Variants in TIMM17B observed in about 807,000 individuals in gnomAD.
TIMM17B encodes mitochondrial import inner membrane translocase subunit Tim17-B.
TIMM17B carries 10 observed loss-of-function variants against 15.9 expected under a neutral mutation model. That is an observed-to-expected ratio of 0.63 (90% CI 0.39 to 1.06). The LOEUF is 1.06. Among genes scored for constraint, TIMM17B ranks in the 50% least tolerant of loss-of-function variants. The pLI, the probability that TIMM17B is intolerant of heterozygous loss-of-function variation, is 0.01. For missense variants in TIMM17B, 114 were observed against 152.2 expected (o/e 0.75, Z 1.32); for synonymous variants, 57 against 57.2 (o/e 1.00, Z 0.02).
intron 5 of TIMM17B, 41 bp from the exon 5 acceptor site, chrX:48,894,051 C>T: frequency 8.3e-7 from 1 of 1,198,117 alleles, no homozygotes; most frequent in Admixed American, 2.3e-5. Flanking sequence ...TGAGAGCAGG[C>T]AGAACAGGGT....
rs1569509113 is a variant in TIMM17B, at chrX:48,894,014, G to A, written c.320-4C>T. On this transcript the variant is annotated splice_region_variant and splice_polypyrimidine_tract_variant and intron_variant, in intron 5 of 6. Coordinates refer to ENST00000376582, the Ensembl canonical transcript of TIMM17B. ...CCCACCATGGCCAGTGGGCCACCTG[G>A]GGGAGTTGGAGGCAGAGAAACAGAG... 1.7e-6 allele frequency: 2 copies of A among 1,202,218 alleles called. No homozygotes were observed. Among genetic ancestry groups the A allele is most frequent in the South Asian group, 1.8e-5 (1 of 55,831 alleles).
At chrX:48,895,088 C>G in exon 4 of TIMM17B, 1 of 1,199,175 alleles carries the variant, frequency 8.3e-7, no homozygotes, top group African/African-American at 1.7e-5. Context: ...ACCTCTCAAC[C>G]GGTGCCGAAT....
exon 2 of TIMM17B, chrX:48,897,729 C>T (rs200328128): frequency 1.2e-5 from 14 of 1,207,518 alleles, no homozygotes; most frequent in African/African-American, 7.0e-5. Flanking sequence ...CGTACCAGGG[C>T]TCCCGAGCGT....
At chrX:48,896,603 T>C (rs960874257) in intron 3 of TIMM17B, 156 bp downstream of exon 2, 62 of 1,060,564 alleles carry the variant, frequency 5.8e-5, no homozygotes, top group Non-Finnish European at 7.7e-5. Flanking sequence ...CCCTACAAAA[T>C]CCCAGATACA....
intron 3 of TIMM17B, chrX:48,895,799 C>G (rs1357628235): frequency 4.3e-6 from 1 of 233,433 alleles, no homozygotes; most frequent in Non-Finnish European, 7.8e-6. Context: ...TTCCGTCTGC[C>G]AATTAAATTC....
In TIMM17B at chrX:48,893,580, TG is replaced by T. The variant is rs1291670445; in HGVS notation, c.*148del. The stretch of plus-strand genomic sequence containing the variant: ...AAGGGGACCCATCTGTCAGGGCAGC[TG>T]GGGTGCCCCACCCCCACCCTGGGAC... On this transcript the variant is annotated 3_prime_UTR_variant, in exon 7 of 7. Coordinates refer to ENST00000376582, the Ensembl canonical transcript of TIMM17B. 5.8e-5 allele frequency: 26 copies of T among 448,440 alleles called. No individual in the cohort carries two copies. In the African/African-American group the frequency reaches 6.2e-4, roughly 11 times the overall value. The allele number at this position is 448,440 out of a possible 1,213,427, so 37.0% of individuals were successfully genotyped here. A position where few individuals can be genotyped will look rare whatever the true frequency, so the allele number is the denominator to read the frequency against.
chrX:48,895,609 C>T (rs2063303424), intron 3 of TIMM17B: 2 of 462,087 alleles, frequency 4.3e-6, no homozygotes, highest in South Asian at 6.2e-5. Context: ...CAAACTTGGG[C>T]AAAGATCCAG....
intron 2 of TIMM17B, chrX:48,897,461 G>A (rs1035955179): frequency 9.9e-6 from 4 of 405,364 alleles, no homozygotes; most frequent in African/African-American, 2.5e-5. Flanking sequence ...ATCGTCCAGC[G>A]TGTCTTTTTT....
intron 1 of TIMM17B, 86 bp from the exon 1 acceptor site, chrX:48,897,854 G>A: frequency 9.2e-7 from 1 of 1,083,077 alleles, no homozygotes; most frequent in Non-Finnish European, 1.2e-6. Flanking sequence ...TCGCTATACC[G>A]CATGTCACGC....
chrX:48,893,780 A>G, exon 7 of TIMM17B: 1 of 1,171,828 alleles, frequency 8.5e-7, no homozygotes, highest in Non-Finnish European at 1.1e-6. Flanking sequence ...TGCCATCCTT[A>G]GGGGGCAGCT....
intron 2 of TIMM17B, chrX:48,897,079 C>T: frequency 1.3e-6 from 1 of 779,914 alleles, no homozygotes; most frequent in South Asian, 2.9e-5. Context: ...TTAGTCTTCG[C>T]CCTGTCTACC....
intron 2 of TIMM17B, 80 bp downstream of exon 1, chrX:48,897,644 C>T (rs1276189585): frequency 1.3e-5 from 11 of 835,329 alleles, no homozygotes; most frequent in African/African-American, 2.0e-5. Context: ...CTCTGTGCGG[C>T]CGATGCCTCC....
intron 2 of TIMM17B, 130 bp downstream of exon 1, chrX:48,897,594 G>A: frequency 7.5e-6 from 4 of 531,644 alleles, no homozygotes; most frequent in Non-Finnish European, 6.5e-6. Context: ...AGTGGGGGTA[G>A]CGGGAGATAC....
chrX:48,896,807 G>A lies in TIMM17B; in HGVS notation c.78C>T (p.Ile26=), dbSNP rs369414813. ...TGATGGCCTGGAAGACTCCGCCACC[G>A]ATGACACCCATAGTGAAGGCTCCAC... is the stretch of plus-strand genomic sequence containing the variant. The change falls in exon 3 of 7, where the codon ATC becomes ATT. Residue 26 remains isoleucine (I), a synonymous_variant. Transcript: ENST00000376582. 2.5e-6 allele frequency: 3 copies of A among 1,207,993 alleles called. No homozygotes were observed. The African/African-American group carries it at 5.3e-5, about 21-fold the overall frequency.
At chrX:48,896,456 T>TAAA in intron 3 of TIMM17B, 1 of 259,459 alleles carries the variant, frequency 3.9e-6, no homozygotes, top group African/African-American at 2.9e-5. Context: ...CAAGACTGTC[T>TAAA]CAAAAAAAAA....
chrX:48,895,263 T>C (rs1215080719), intron 3 of TIMM17B, 162 bp from the exon 3 acceptor site: 1 of 492,809 alleles, frequency 2.0e-6, no homozygotes, highest in East Asian at 3.6e-5. Flanking sequence ...CGCCCCAACA[T>C]GGGTGTTCTC....
At chrX:48,897,033 C>G (rs1602313760) in intron 2 of TIMM17B, 175 bp from the exon 2 acceptor site, 1 of 1,022,292 alleles carries the variant, frequency 9.8e-7, no homozygotes, top group East Asian at 3.4e-5. Context: ...CACACCCCCC[C>G]ATTAAAGCGA....
chrX:48,893,594 C>A, exon 7 of TIMM17B: 1 of 530,122 alleles, frequency 1.9e-6, no homozygotes. Flanking sequence ...GTGCCCCACC[C>A]CCACCCTGGG....
At chrX:48,897,259 G>T in intron 2 of TIMM17B, 1 of 224,517 alleles carries the variant, frequency 4.5e-6, no homozygotes, top group Non-Finnish European at 8.1e-6. Context: ...GTCCAACCAT[G>T]CCCCGCCCCT....
Sources: allele counts gnomAD v4.1 joint callset, GRCh38; gene constraint gnomAD v4.1.1; transcripts MANE v1.5; gene names NCBI Gene and HGNC (gene_info 2026-07-23, HGNC 2026-07-21).